The following ESR1 variants were observed in gnomAD, a reference collection of about 807,000 sequenced individuals.
ESR1 encodes estrogen receptor.
Under a neutral mutation model 52.7 loss-of-function variants are expected in ESR1, and 12 were observed. That is an observed-to-expected ratio of 0.23 (90% CI 0.15 to 0.37). The LOEUF (loss-of-function observed/expected upper bound fraction) is 0.37, where lower values mean the gene tolerates loss of function less well. Among genes scored for constraint, ESR1 ranks in the 10% least tolerant of loss-of-function variants. ESR1 has a pLI of 1.00. For synonymous variants in ESR1, 305 were observed against 316.8 expected (o/e 0.96, Z 0.39); for missense variants, 584 against 779.7 (o/e 0.75, Z 2.99).
chr6:152,037,494 A>AT (rs2045410778), intron 5 of ESR1, among the ~76,000 whole-genome samples: 2 of 152,134 alleles, frequency 1.3e-5, no homozygotes, highest in Non-Finnish European at 2.9e-5. Context: ...AGCTCGGTGC[A>AT]TTTTTCATTT....
chr6:151,850,719 T>G (rs753152971), intron 2 of ESR1, among the ~76,000 whole-genome samples: 2 of 152,100 alleles, frequency 1.3e-5, no homozygotes, highest in South Asian at 4.1e-4. Flanking sequence ...CCGGCATCCG[T>G]ACTTCAAACT....
intron 3 of ESR1, among the ~76,000 whole-genome samples, chr6:151,920,967 A>C (rs561932689): frequency 1.2e-4 from 19 of 152,124 alleles, no homozygotes; most frequent in Admixed American, 9.2e-4. Flanking sequence ...CATGTGCAGC[A>C]TGTGCATGTT....
At position 151,888,608 on chromosome 6, in the gene ESR1, ATCAG is replaced by A. The variant is rs546114931; in HGVS notation, c.760+7838_760+7841del. On this transcript the variant is annotated intron_variant, in intron 3 of 7. Transcript: ENST00000206249. ...CATGATCTATGTGTAAGATCATGTC[ATCAG>A]CAAACACGGGCAATTTAACTTCTTC... Among the ~76,000 whole-genome samples, 1,275 of 152,280 alleles carry A rather than the reference ATCAG, an allele frequency of 8.4e-3. 11 individuals are homozygous for A. The highest frequency in any genetic ancestry group is 0.014 in the South Asian group (67 of 4,832).
At chr6:151,853,791 A>T (rs1787323749) in intron 2 of ESR1, among the ~76,000 whole-genome samples, 1 of 152,108 alleles carries the variant, frequency 6.6e-6, no homozygotes, top group Non-Finnish European at 1.5e-5. Context: ...TTTCCCTACT[A>T]AGTGGTTCTG....
intron 3 of ESR1, among the ~76,000 whole-genome samples, chr6:151,890,023 G>A (rs1004558958): frequency 2.6e-5 from 4 of 151,208 alleles, no homozygotes; most frequent in Admixed American, 6.6e-5. Context: ...TTGATATGGT[G>A]TCAATGTTCT....
chr6:151,697,407 C>A (rs1023268541), intron 1 of ESR1, among the ~76,000 whole-genome samples: 3 of 152,332 alleles, frequency 2.0e-5, no homozygotes, highest in Admixed American at 2.0e-4. Context: ...ATCTTCCTAA[C>A]TGTAAAATGG....
At chr6:151,801,477 A>G (rs1282035348), upstream of ESR1, among the ~76,000 whole-genome samples, 6 of 152,184 alleles carry the variant, frequency 3.9e-5, no homozygotes, top group African/African-American at 1.4e-4. Context: ...CCTGACAACC[A>G]AAAAATTCAA....
intron 5 of ESR1, among the ~76,000 whole-genome samples, chr6:152,048,286 T>A: frequency 6.7e-6 from 1 of 149,208 alleles, no homozygotes. Context: ...GCAGGGGAAT[T>A]GCTTGAGGAG....
intron 2 of ESR1, among the ~76,000 whole-genome samples, chr6:151,771,617 A>C (rs1238027845): frequency 6.6e-6 from 1 of 152,264 alleles, no homozygotes; most frequent in Non-Finnish European, 1.5e-5. Flanking sequence ...GCAAGTTGCC[A>C]TGCAAATGTC....
intron 1 of ESR1, among the ~76,000 whole-genome samples, chr6:151,827,344 C>CAA (rs11407983): frequency 0.028 from 2,111 of 75,780 alleles, 90 homozygotes; most frequent in African/African-American, 0.081. Context: ...GACCCTGTCT[C>CAA]AAAAAAAAAA....
intron 3 of ESR1, 59 bp from the exon 4 acceptor site, chr6:151,944,114 G>A: frequency 6.7e-7 from 1 of 1,484,838 alleles, no homozygotes; most frequent in Non-Finnish European, 9.3e-7. Context: ...AAAATTTTTT[G>A]TATAAAAGTT....
chr6:151,975,431 C>G (rs1369842684), intron 4 of ESR1, among the ~76,000 whole-genome samples: 3 of 151,900 alleles, frequency 2.0e-5, no homozygotes, highest in Non-Finnish European at 1.5e-5. Context: ...GAAACAGAAC[C>G]AGTAGGATCA....
intron 2 of ESR1, among the ~76,000 whole-genome samples, chr6:151,706,913 AT>A (rs1780226813): frequency 6.6e-6 from 1 of 152,174 alleles, no homozygotes; most frequent in South Asian, 2.1e-4. Flanking sequence ...TACTGGAAGG[AT>A]TTGTCCTCAA....
At chr6:151,895,424 A>G (rs1795346182) in intron 3 of ESR1, among the ~76,000 whole-genome samples, 1 of 152,104 alleles carries the variant, frequency 6.6e-6, no homozygotes, top group South Asian at 2.1e-4. Context: ...GACTTCTGGT[A>G]CTGTGTTGAA....
intron 5 of ESR1, among the ~76,000 whole-genome samples, chr6:152,047,078 T>A (rs2046286999): frequency 6.6e-6 from 1 of 152,152 alleles, no homozygotes; most frequent in Non-Finnish European, 1.5e-5. Context: ...ACTCACGCCT[T>A]CATTTAAATG....
chr6:151,671,679 C>A (rs1003816788), intron 1 of ESR1, among the ~76,000 whole-genome samples: 4 of 152,230 alleles, frequency 2.6e-5, no homozygotes, highest in Admixed American at 2.0e-4. Flanking sequence ...GACAGTAGAA[C>A]TTAAAAGTTC....
intron 5 of ESR1, among the ~76,000 whole-genome samples, chr6:152,015,947 A>G (rs900291423): frequency 2.6e-5 from 4 of 152,146 alleles, no homozygotes; most frequent in Admixed American, 2.0e-4. Context: ...TAATTAGGTG[A>G]TATGATTTGG....
intron 1 of ESR1, among the ~76,000 whole-genome samples, chr6:151,817,813 A>G (rs1244436505): frequency 2.0e-5 from 3 of 152,184 alleles, no homozygotes; most frequent in Non-Finnish European, 1.5e-5. Context: ...TTCCCTTCAT[A>G]GGGTTCTTTT....
chr6:151,958,869 G>T (rs1189465802), intron 4 of ESR1, among the ~76,000 whole-genome samples: 1 of 152,150 alleles, frequency 6.6e-6, no homozygotes, highest in Admixed American at 6.5e-5. Flanking sequence ...CAGCTTTGAT[G>T]TCCTGAAGTT....
Sources: gnomAD v4.1 joint callset for allele counts (sites outside exome capture counted in the v4.1 genomes callset) on GRCh38, gnomAD v4.1.1 for gene constraint, MANE v1.5 for transcripts, NCBI Gene and HGNC (gene_info 2026-07-23, HGNC 2026-07-21) for gene names.